Variants in CLVS2 observed in about 807,000 individuals in gnomAD.
CLVS2 encodes clavesin 2.
A neutral mutation model predicts 29.0 loss-of-function variants in CLVS2; 19 were observed. The observed-to-expected ratio is 0.66, with a 90% CI of 0.46 to 0.96. The LOEUF (loss-of-function observed/expected upper bound fraction) is 0.96, where lower values mean the gene tolerates loss of function less well. CLVS2 is among the 40% of genes least tolerant of loss of function. The pLI is 0.00. For synonymous variants in CLVS2, 161 were observed against 151.3 expected (o/e 1.06, Z -0.47); for missense variants, 294 against 404.1 (o/e 0.73, Z 2.34).
intron 4 of CLVS2, among the ~76,000 whole-genome samples, chr6:123,049,532 C>T (rs565907436): frequency 9.9e-5 from 15 of 152,284 alleles, no homozygotes; most frequent in African/African-American, 3.4e-4. Context: ...CTCACATACA[C>T]AGAAGAAAAG....
intron 3 of CLVS2, among the ~76,000 whole-genome samples, chr6:123,014,106 T>G (rs1774790964): frequency 6.6e-6 from 1 of 152,090 alleles, no homozygotes. Context: ...ATTGTGAATA[T>G]TGCCGCTATA....
At position 122,999,156 on chromosome 6, in the gene CLVS2, G is replaced by A. The variant is rs1210288608; in HGVS notation, c.389+990G>A. On this transcript the variant is annotated intron_variant, in intron 2 of 5. Coordinates refer to ENST00000275162, the MANE Select transcript of CLVS2 (RefSeq NM_001010852.4). The stretch of plus-strand genomic sequence containing the variant: ...ATAAGAAGCTGCTTGTTAAAACATT[G>A]GTGTATTTTTAGTTCTGTGAATGGT... 4.6e-5 allele frequency among the ~76,000 whole-genome samples: 7 copies of A among 152,010 alleles called. No individual in the cohort carries two copies. The East Asian group carries it at 1.2e-3, about 25-fold the overall frequency.
At chr6:123,019,522 AT>A (rs1477859336) in intron 3 of CLVS2, among the ~76,000 whole-genome samples, 2 of 152,068 alleles carry the variant, frequency 1.3e-5, no homozygotes, top group Non-Finnish European at 2.9e-5. Flanking sequence ...TTGTATCAGT[AT>A]AGCTATATCT....
In CLVS2 at chr6:122,996,492, C is replaced by A. The variant is rs1230156756; in HGVS notation, c.-814C>A. 1.3e-5 allele frequency: 2 copies of A among 152,850 alleles called. No individual in the cohort carries two copies. The highest frequency in any genetic ancestry group is 2.9e-5 in the Non-Finnish European group (2 of 68,258). 9.5% of individuals were successfully genotyped at this position (152,850 alleles called of 1,614,324 possible). On this transcript the variant is annotated 5_prime_UTR_variant, in exon 1 of 6. Transcript: ENST00000275162. ...GGCAGGGCCAGGCGAGAACCTGGGA[C>A]AGCGGTGGCCCTAGCCCTGCGATCC...
rs1398798238 is a variant in CLVS2 at position 123,060,191 on chromosome 6, ATTC to A, written c.897-3477_897-3475del. On this transcript the variant is annotated intron_variant, in intron 5 of 5. Coordinates refer to ENST00000275162, the MANE Select transcript of CLVS2 (RefSeq NM_001010852.4). ...TTCCATCACTAAAGAGTTGTGGATA[ATTC>A]TTCTTTTGGGTAAATGTAGCTAGAC... Among the ~76,000 whole-genome samples, 16 of 152,318 alleles carry A rather than the reference ATTC, an allele frequency of 1.1e-4. No homozygotes were observed. The East Asian group carries it at 2.5e-3, about 24-fold the overall frequency.
At chr6:123,025,242 G>T (rs887691333) in intron 3 of CLVS2, among the ~76,000 whole-genome samples, 2 of 152,028 alleles carry the variant, frequency 1.3e-5, no homozygotes, top group African/African-American at 4.8e-5. Flanking sequence ...TATTAAGCAC[G>T]CCTTACCCCC....
At chr6:122,996,935 T>G (rs998950064) in intron 1 of CLVS2, among the ~76,000 whole-genome samples, 189 bp downstream of exon 1, 3 of 138,784 alleles carry the variant, frequency 2.2e-5, no homozygotes, top group Non-Finnish European at 4.7e-5. Context: ...TCCGTGGAAA[T>G]GAAGGGCTAG....
At chr6:123,057,163 G>A (rs9372735) in intron 5 of CLVS2, among the ~76,000 whole-genome samples, 128,515 of 151,952 alleles carry the variant, frequency 0.85, 54,627 homozygotes, top group African/African-American at 0.93. Flanking sequence ...ATTCACAGAA[G>A]TATGGGCACC....
chr6:123,011,247 C>A, intron 3 of CLVS2, 88 bp downstream of exon 3: 1 of 1,045,988 alleles, frequency 9.6e-7, no homozygotes, highest in Non-Finnish European at 1.3e-6. Flanking sequence ...GTCTTACTTA[C>A]AGAATAACAA....
intron 3 of CLVS2, among the ~76,000 whole-genome samples, chr6:123,039,874 G>A (rs1258922016): frequency 6.6e-6 from 1 of 152,128 alleles, no homozygotes; most frequent in African/African-American, 2.4e-5. Flanking sequence ...CCTCTTTCAA[G>A]GGAGAATATT....
intron 3 of CLVS2, among the ~76,000 whole-genome samples, chr6:123,017,896 C>T (rs1460518668): frequency 2.0e-5 from 3 of 151,898 alleles, no homozygotes; most frequent in Non-Finnish European, 4.4e-5. Context: ...TCAACCTTGA[C>T]AAAAAGTAAA....
intron 2 of CLVS2, among the ~76,000 whole-genome samples, chr6:123,006,329 G>A (rs546606654): frequency 2.1e-4 from 32 of 152,304 alleles, no homozygotes; most frequent in Non-Finnish European, 3.2e-4. Context: ...AAGAAGTATG[G>A]TTATTAAGGG....
rs1381029316 is a variant in CLVS2, at chr6:123,064,857, A to T, written c.*1096A>T. On this transcript the variant is annotated 3_prime_UTR_variant, in exon 6 of 6. Transcript: ENST00000275162. ...AAATAGTGAAACTGACTTTCAGTGTACCTATTTAAAGGAATTCCAAGTTAA... is the reference window on the plus strand; with the variant it reads ...AAATAGTGAAACTGACTTTCAGTGTTCCTATTTAAAGGAATTCCAAGTTAA... The T allele has an allele frequency of 6.6e-6, 1 of 151,896 alleles. No homozygotes were observed. The highest frequency in any genetic ancestry group is 1.9e-4 in the East Asian group (1 of 5,190). The allele number at this position is 151,896 out of a possible 1,614,324, so 9.4% of individuals were successfully genotyped here. A position where few individuals can be genotyped will look rare whatever the true frequency, so the allele number is the denominator to read the frequency against.
intron 3 of CLVS2, among the ~76,000 whole-genome samples, chr6:123,028,846 G>T (rs898412473): frequency 8.6e-5 from 13 of 151,860 alleles, no homozygotes; most frequent in African/African-American, 2.9e-4. Flanking sequence ...TTCTAAACTC[G>T]CAACATTTTG....
chr6:123,058,077 A>G (rs1021167487), intron 5 of CLVS2, among the ~76,000 whole-genome samples: 4 of 152,228 alleles, frequency 2.6e-5, no homozygotes, highest in African/African-American at 9.6e-5. Flanking sequence ...TTCTTCTAAT[A>G]AAATAATCCT....
chr6:123,031,762 C>T (rs560284677), intron 3 of CLVS2, among the ~76,000 whole-genome samples: 1 of 151,138 alleles, frequency 6.6e-6, no homozygotes, highest in South Asian at 2.1e-4. Context: ...TGCTAAGACA[C>T]CCAGGGATGT....
At chr6:123,017,565 T>C (rs1252881063) in intron 3 of CLVS2, among the ~76,000 whole-genome samples, 1 of 152,144 alleles carries the variant, frequency 6.6e-6, no homozygotes, top group South Asian at 2.1e-4. Context: ...AGTTGTTACT[T>C]AACCTAGAAC....
intron 3 of CLVS2, among the ~76,000 whole-genome samples, chr6:123,016,017 C>T (rs1427112829): frequency 9.1e-6 from 1 of 109,888 alleles, no homozygotes; most frequent in Non-Finnish European, 1.7e-5. Flanking sequence ...GGCACAACAT[C>T]AGACTTTTTT....
Position 122,997,897 on chromosome 6 carries a change from C to G in CLVS2, c.120C>G (p.Thr40=). 6.2e-7 allele frequency: 1 copy of G among 1,614,198 alleles called. No homozygotes were observed. Among genetic ancestry groups the G allele is most frequent in the Non-Finnish European group, 8.5e-7 (1 of 1,180,040 alleles). Residue 40 remains threonine (T), a synonymous_variant, in exon 2 of 6, where the codon ACC becomes ACG. Coordinates refer to ENST00000275162, the MANE Select transcript of CLVS2 (RefSeq NM_001010852.4). The part of the protein sequence containing the change: ...DIQEVRDMVI[T]RPDIGFLRTD... ...AGGAGGTGAGGGATATGGTCATCAC[C>G]AGGCCGGACATTGGCTTTCTGCGCA...
Sources: gnomAD v4.1 joint callset for allele counts (sites outside exome capture counted in the v4.1 genomes callset) on GRCh38, gnomAD v4.1.1 for gene constraint, MANE v1.5 for transcripts, NCBI Gene and HGNC (gene_info 2026-07-23, HGNC 2026-07-21) for gene names.